CYP19A1: variants seen among roughly 807,000 people sequenced by gnomAD.
CYP19A1 encodes the protein aromatase.
In CYP19A1, 32 loss-of-function variants were observed where a neutral mutation model predicts 44.4. The ratio of observed to expected loss-of-function variants is 0.72; its 90% confidence interval spans 0.54 to 0.97. CYP19A1 has a LOEUF of 0.97. CYP19A1 is among the 50% of genes least tolerant of loss of function. CYP19A1 has a pLI of 0.00. For missense variants in CYP19A1, 598 were observed against 637.8 expected, an observed-to-expected ratio of 0.94 and a Z score of 0.67; for synonymous variants, 212 against 215.6, an observed-to-expected ratio of 0.98 and a Z score of 0.14.
chr15:51,289,698 C>A (rs540620203), intron 1 of CYP19A1, among the ~76,000 whole-genome samples: 5 of 152,208 alleles, frequency 3.3e-5, no homozygotes, highest in African/African-American at 7.2e-5. Context: ...CCTTGTTAAT[C>A]TTCTCTACAG....
intron 1 of CYP19A1, among the ~76,000 whole-genome samples, chr15:51,290,930 C>T (rs1484990651): frequency 6.6e-6 from 1 of 152,194 alleles, no homozygotes; most frequent in Non-Finnish European, 1.5e-5. Context: ...TGCCCAAGTA[C>T]AGGTGAAGCC....
intron 3 of CYP19A1, among the ~76,000 whole-genome samples, chr15:51,230,069 C>G (rs2032908985): frequency 6.6e-6 from 1 of 152,246 alleles, no homozygotes; most frequent in Non-Finnish European, 1.5e-5. Flanking sequence ...AGGGACAAAG[C>G]TAATCAGGCC....
intron 1 of CYP19A1, among the ~76,000 whole-genome samples, chr15:51,296,730 C>T (rs1279907998): frequency 6.6e-6 from 1 of 152,138 alleles, no homozygotes; most frequent in East Asian, 1.9e-4. Context: ...AATGTCCTTA[C>T]TTAGCAAAAT....
At position 51,218,642 on chromosome 15, in the gene CYP19A1, C is replaced by T; in HGVS notation, c.642G>A (p.Val214=). 1 of 1,612,938 alleles carries T rather than the reference C, an allele frequency of 6.2e-7. No homozygotes were observed. The highest frequency in any genetic ancestry group is 8.5e-7 in the Non-Finnish European group (1 of 1,179,546). ...LRIPLDESAI[V]VKIQGYFDAW... ...CATCAAAATAACCTTGGATTTTAAC[C>T]ACGATAGCACTTTCTGTAGGAAAAA... Residue 214 remains valine (V), a synonymous_variant, in exon 6 of 10, where the codon GTG becomes GTA. Transcript: ENST00000396402.
At chr15:51,284,434 G>T (rs1341643058) in intron 1 of CYP19A1, among the ~76,000 whole-genome samples, 1 of 152,182 alleles carries the variant, frequency 6.6e-6, no homozygotes, top group East Asian at 1.9e-4. Flanking sequence ...ATTTTACCAT[G>T]TCAAGGACTG....
At chr15:51,320,024 C>G (rs984124228) in intron 1 of CYP19A1, among the ~76,000 whole-genome samples, 1 of 152,254 alleles carries the variant, frequency 6.6e-6, no homozygotes, top group Non-Finnish European at 1.5e-5. Flanking sequence ...CTCTTACTTT[C>G]TACAACACTA....
At chr15:51,302,860 G>A (rs1254615586) in intron 1 of CYP19A1, among the ~76,000 whole-genome samples, 2 of 152,204 alleles carry the variant, frequency 1.3e-5, no homozygotes, top group Non-Finnish European at 2.9e-5. Context: ...TAGACAGTAA[G>A]CTCCTCAAAG....
At chr15:51,265,223 T>C (rs1194513681) in intron 1 of CYP19A1, among the ~76,000 whole-genome samples, 1 of 152,218 alleles carries the variant, frequency 6.6e-6, no homozygotes, top group Non-Finnish European at 1.5e-5. Context: ...CCACCTCCCC[T>C]GGCTGCGGGC....
chr15:51,214,680 A>T (rs540784448), intron 8 of CYP19A1, among the ~76,000 whole-genome samples: 16 of 152,350 alleles, frequency 1.1e-4, no homozygotes, highest in African/African-American at 3.6e-4. Context: ...TAAAATGGAC[A>T]AATCCAACCA....
chr15:51,215,348 T>C (rs997944657), intron 7 of CYP19A1, 116 bp from the exon 8 acceptor site: 2 of 1,468,832 alleles, frequency 1.4e-6, no homozygotes, highest in Non-Finnish European at 1.9e-6. Flanking sequence ...AGAAACCACA[T>C]GTCTCTGTGA....
chr15:51,291,780 A>C (rs1198040269), intron 1 of CYP19A1, among the ~76,000 whole-genome samples: 1 of 152,240 alleles, frequency 6.6e-6, no homozygotes, highest in Non-Finnish European at 1.5e-5. Flanking sequence ...CAGGGAAAAA[A>C]GCTCAGGCTA....
chr15:51,243,303 G>T (rs1056494638), intron 1 of CYP19A1, among the ~76,000 whole-genome samples: 6 of 152,162 alleles, frequency 3.9e-5, no homozygotes, highest in African/African-American at 1.2e-4. Context: ...TCCAGAGGTG[G>T]AGTCATTTTG....
intron 4 of CYP19A1, 95 bp downstream of exon 4, chr15:51,227,684 A>C (rs2032697093): frequency 3.0e-6 from 1 of 338,566 alleles, no homozygotes; most frequent in South Asian, 5.3e-5. Flanking sequence ...ATAAATAAAT[A>C]AATAAATAAA....
chr15:51,330,100 G>C (rs545822966), intron 1 of CYP19A1, among the ~76,000 whole-genome samples: 1 of 152,158 alleles, frequency 6.6e-6, no homozygotes, highest in Non-Finnish European at 1.5e-5. Context: ...GGAGGGAGCA[G>C]GCACCTCCCG....
In CYP19A1 at chr15:51,222,202, C is replaced by T. The variant is rs1363745114; in HGVS notation, c.628+147G>A. 2.8e-6 allele frequency: 4 copies of T among 1,436,668 alleles called. No homozygotes were observed. In the Admixed American group the frequency reaches 8.9e-5, roughly 32 times the overall value. 89.0% of individuals were successfully genotyped at this position (1,436,668 alleles called of 1,614,324 possible). On this transcript the variant is annotated intron_variant, in intron 5 of 9. Coordinates refer to ENST00000396402, the MANE Select transcript of CYP19A1 (RefSeq NM_000103.4). ...TTTATAAGTGAACAAAGCAGAAACA[C>T]TAGGGAAAAAAACGAGGAGTACTTA...
intron 6 of CYP19A1, 102 bp from the exon 7 acceptor site, chr15:51,215,919 GA>G: frequency 6.3e-7 from 1 of 1,577,380 alleles, no homozygotes; most frequent in Non-Finnish European, 8.6e-7. Context: ...TGCTTTAATT[GA>G]AAACATTGGT....
chr15:51,276,656 C>G (rs2140963065), intron 1 of CYP19A1, among the ~76,000 whole-genome samples: 1 of 152,348 alleles, frequency 6.6e-6, no homozygotes, highest in Admixed American at 6.5e-5. Context: ...ATATGCTTCT[C>G]TGTGATTTCA....
In CYP19A1 at chr15:51,213,766, T is replaced by C. The variant is rs185074049; in HGVS notation, c.1022-1205A>G. On this transcript the variant is annotated intron_variant, in intron 8 of 9. Transcript: ENST00000396402. ...ATATGTATTAAAGGCTTATGGTTTC[T>C]CTGAATGCCCTCCTTCGGTCTCTCT... is the stretch of plus-strand genomic sequence containing the variant. 2.2e-4 allele frequency among the ~76,000 whole-genome samples: 34 copies of C among 152,326 alleles called. No individual in the cohort carries two copies. The East Asian group carries it at 6.6e-3, about 29-fold the overall frequency.
chr15:51,290,523 C>T (rs144831183), intron 1 of CYP19A1, among the ~76,000 whole-genome samples: 9 of 152,304 alleles, frequency 5.9e-5, no homozygotes, highest in Non-Finnish European at 8.8e-5. Context: ...CTGTTTTCTG[C>T]CTTGGCTGTG....
Sources: gnomAD v4.1 joint callset for allele counts (sites outside exome capture counted in the v4.1 genomes callset) on GRCh38, gnomAD v4.1.1 for gene constraint, MANE v1.5 for transcripts, NCBI Gene and HGNC (gene_info 2026-07-23, HGNC 2026-07-21) for gene names.